CNTNAP2: variants seen among roughly 807,000 people sequenced by gnomAD.
CNTNAP2 encodes contactin-associated protein-like 2.
Under a neutral mutation model 155.2 loss-of-function variants are expected in CNTNAP2, and 98 were observed. The observed-to-expected ratio is 0.63, with a 90% CI of 0.54 to 0.75. The LOEUF is 0.75. Among genes scored for constraint, CNTNAP2 ranks in the 30% least tolerant of loss-of-function variants. The pLI, the probability that CNTNAP2 is intolerant of heterozygous loss-of-function variation, is 0.00. For synonymous variants in CNTNAP2, 651 were observed against 631.2 expected, an observed-to-expected ratio of 1.03 and a Z score of -0.47; for missense variants, 1,727 against 1,688.1, an observed-to-expected ratio of 1.02 and a Z score of -0.40.
intron 16 of CNTNAP2, among the ~76,000 whole-genome samples, chr7:148,127,995 G>A (rs140904618): frequency 0.032 from 4,912 of 151,994 alleles, 291 homozygotes; most frequent in African/African-American, 0.11. Flanking sequence ...TCAGCCTCCC[G>A]AGTAGCTGGT....
At chr7:148,240,639 A>G (rs983190188) in intron 20 of CNTNAP2, among the ~76,000 whole-genome samples, 22 of 152,198 alleles carry the variant, frequency 1.4e-4, no homozygotes, top group African/African-American at 5.3e-4. Flanking sequence ...ATGCATATAT[A>G]AAGGGGAGTG....
chr7:146,516,234 G>A (rs1344148129), intron 1 of CNTNAP2, among the ~76,000 whole-genome samples: 2 of 151,822 alleles, frequency 1.3e-5, no homozygotes, highest in Non-Finnish European at 2.9e-5. Flanking sequence ...CAGTAATGGG[G>A]GAAAAAAGCA....
At chr7:148,029,604 C>G (rs1802433611) in intron 15 of CNTNAP2, among the ~76,000 whole-genome samples, 2 of 152,112 alleles carry the variant, frequency 1.3e-5, no homozygotes, top group South Asian at 4.1e-4. Flanking sequence ...ATTGTTGCCA[C>G]CCTAGAATTG....
chr7:146,267,274 C>T lies in CNTNAP2; in HGVS notation c.97+150301C>T, dbSNP rs551389440. On this transcript the variant is annotated intron_variant, in intron 1 of 23. Coordinates refer to ENST00000361727, the MANE Select transcript of CNTNAP2 (RefSeq NM_014141.6). ...TCATATAGCAATTAATACTGTGAAG[C>T]GCTGAAACTTGCTCTAAGTTATACA... Among the ~76,000 whole-genome samples the T allele has an allele frequency of 5.9e-4, 90 of 152,034 alleles. 1 individual carries two copies. The highest frequency in any genetic ancestry group is 8.5e-4 in the Admixed American group (13 of 15,272).
chr7:147,314,664 A>G (rs1354809178), intron 9 of CNTNAP2, among the ~76,000 whole-genome samples: 4 of 151,072 alleles, frequency 2.6e-5, no homozygotes, highest in Non-Finnish European at 4.4e-5. Context: ...AAATCCTTTA[A>G]TATCTTTGGA....
intron 1 of CNTNAP2, among the ~76,000 whole-genome samples, chr7:146,233,375 G>C (rs1799417765): frequency 6.6e-6 from 1 of 151,954 alleles, no homozygotes; most frequent in African/African-American, 2.4e-5. Context: ...GGTTTTTCAA[G>C]TCTAAAGAAC....
intron 15 of CNTNAP2, among the ~76,000 whole-genome samples, chr7:148,080,779 G>C (rs1025856666): frequency 2.6e-5 from 4 of 151,876 alleles, no homozygotes; most frequent in Non-Finnish European, 5.9e-5. Flanking sequence ...CAAAATTATA[G>C]AGCAGGGGGG....
At chr7:147,561,179 T>A (rs907248147) in intron 11 of CNTNAP2, among the ~76,000 whole-genome samples, 11 of 152,168 alleles carry the variant, frequency 7.2e-5, no homozygotes, top group Non-Finnish European at 1.5e-4. Context: ...GTTTTGTAAT[T>A]TATTTTGTAC....
intron 1 of CNTNAP2, among the ~76,000 whole-genome samples, chr7:146,398,900 TA>T (rs1379674768): frequency 6.6e-6 from 1 of 151,966 alleles, no homozygotes; most frequent in East Asian, 1.9e-4. Flanking sequence ...TAATATTTAA[TA>T]AAAAATATAT....
chr7:147,283,143 A>G (rs1200040116), intron 8 of CNTNAP2, among the ~76,000 whole-genome samples: 1 of 151,858 alleles, frequency 6.6e-6, no homozygotes, highest in African/African-American at 2.4e-5. Context: ...GAGTTTTTTG[A>G]CACATCTATA....
At chr7:147,349,014 T>A (rs1795925910) in intron 9 of CNTNAP2, among the ~76,000 whole-genome samples, 1 of 151,790 alleles carries the variant, frequency 6.6e-6, no homozygotes, top group African/African-American at 2.4e-5. Flanking sequence ...TAGAGAAAAA[T>A]TTGCTAAAGG....
chr7:147,483,092 A>C (rs768512482), intron 10 of CNTNAP2, among the ~76,000 whole-genome samples: 1 of 151,960 alleles, frequency 6.6e-6, no homozygotes, highest in Non-Finnish European at 1.5e-5. Context: ...ATAAGAAAGA[A>C]AAATATTAAA....
intron 3 of CNTNAP2, among the ~76,000 whole-genome samples, chr7:146,956,535 T>C (rs1300129066): frequency 6.6e-6 from 1 of 152,178 alleles, no homozygotes; most frequent in Non-Finnish European, 1.5e-5. Flanking sequence ...CTCCTTTTCC[T>C]GCTTGTGCTG....
At position 146,449,797 on chromosome 7, in the gene CNTNAP2, C is replaced by T. The variant is rs6962920; in HGVS notation, c.98-324474C>T. Among the ~76,000 whole-genome samples, 283 of 152,180 alleles carry T rather than the reference C, an allele frequency of 1.9e-3. 1 individual carries two copies. The highest frequency in any genetic ancestry group is 6.3e-3 in the African/African-American group (261 of 41,550). ...ATGATGACAAGCTTTAGTTGACAGT[C>T]GTACAAAACCTGTGATTTTACAGAT... is the stretch of plus-strand genomic sequence containing the variant. On this transcript the variant is annotated intron_variant, in intron 1 of 23. Transcript: ENST00000361727.
At chr7:147,028,177 AAAAGG>A (rs1563049635) in intron 3 of CNTNAP2, among the ~76,000 whole-genome samples, 5 of 152,216 alleles carry the variant, frequency 3.3e-5, no homozygotes, top group Non-Finnish European at 7.3e-5. Context: ...AACTGCACCA[AAAAGG>A]TTCCTTAGGG....
intron 13 of CNTNAP2, among the ~76,000 whole-genome samples, chr7:147,700,474 A>G (rs1010488522): frequency 6.6e-6 from 1 of 152,184 alleles, no homozygotes; most frequent in Admixed American, 6.5e-5. Flanking sequence ...ATCCACTTCA[A>G]ATTCATTCCC....
chr7:146,394,352 C>G (rs1795589150), intron 1 of CNTNAP2, among the ~76,000 whole-genome samples: 1 of 152,112 alleles, frequency 6.6e-6, no homozygotes, highest in Non-Finnish European at 1.5e-5. Context: ...GAAGATAAGA[C>G]AGGCCTAAGA....
intron 15 of CNTNAP2, among the ~76,000 whole-genome samples, chr7:147,996,133 G>T (rs1801800177): frequency 6.6e-6 from 1 of 152,184 alleles, no homozygotes; most frequent in African/African-American, 2.4e-5. Flanking sequence ...TGCAGATGTG[G>T]ATCTGCAAGC....
intron 1 of CNTNAP2, among the ~76,000 whole-genome samples, chr7:146,570,296 T>G (rs571361752): frequency 6.6e-6 from 1 of 152,286 alleles, no homozygotes; most frequent in South Asian, 2.1e-4. Flanking sequence ...TATAACTTTC[T>G]CTAACAGAAC....
Sources: allele counts gnomAD v4.1 joint callset (sites outside exome capture counted in the v4.1 genomes callset), GRCh38; gene constraint gnomAD v4.1.1; transcripts MANE v1.5; gene names NCBI Gene and HGNC (gene_info 2026-07-23, HGNC 2026-07-21).